Variants in HNMT observed in about 807,000 individuals in gnomAD.
The protein encoded by HNMT is histamine N-methyltransferase.
Under a neutral mutation model 32.1 loss-of-function variants are expected in HNMT, and 30 were observed. The observed-to-expected ratio is 0.93, with a 90% CI of 0.70 to 1.27. HNMT has a LOEUF of 1.27. HNMT is among the 50% of genes most tolerant of loss of function. The pLI, the probability that HNMT is intolerant of heterozygous loss-of-function variation, is 0.00. For missense variants in HNMT, 327 were observed against 346.0 expected, an observed-to-expected ratio of 0.95 and a Z score of 0.43; for synonymous variants, 125 against 119.0, an observed-to-expected ratio of 1.05 and a Z score of -0.33.
chr2:137,981,172 A>G, intron 2 of HNMT: 1 of 1,579,928 alleles, frequency 6.3e-7, no homozygotes, highest in Non-Finnish European at 8.6e-7. Flanking sequence ...GAATGGCAGG[A>G]GATATGGCCA....
At chr2:137,980,262 C>T (rs2104942086) in intron 2 of HNMT, among the ~76,000 whole-genome samples, 1 of 152,326 alleles carries the variant, frequency 6.6e-6, no homozygotes, top group Middle Eastern at 3.4e-3. Flanking sequence ...TGGTCTCGAT[C>T]TCCTGACCTC....
intron 5 of HNMT, among the ~76,000 whole-genome samples, chr2:138,007,255 C>T (rs1204215048): frequency 6.6e-6 from 1 of 151,994 alleles, no homozygotes; most frequent in Admixed American, 6.6e-5. Flanking sequence ...TTCTACGTCT[C>T]TCTCTCCTAA....
chr2:137,974,248 G>A (rs1039074133), intron 2 of HNMT, among the ~76,000 whole-genome samples: 1 of 152,136 alleles, frequency 6.6e-6, no homozygotes, highest in African/African-American at 2.4e-5. Context: ...GAGACAAAAT[G>A]AGTGGCCAGA....
At chr2:137,981,404 T>A in intron 2 of HNMT, 1 of 1,583,006 alleles carries the variant, frequency 6.3e-7, no homozygotes, top group Non-Finnish European at 8.7e-7. Flanking sequence ...CATCCTCTTT[T>A]AAGTGTCATC....
chr2:137,980,116 A>C (rs576679524), intron 2 of HNMT, among the ~76,000 whole-genome samples: 22 of 151,882 alleles, frequency 1.4e-4, no homozygotes, highest in South Asian at 8.3e-4. Context: ...GCTCACTGCA[A>C]GCTCCACCAC....
rs191243165 is a variant in HNMT, at chr2:137,983,951, C to T, written c.190+13734C>T. On this transcript the variant is annotated intron_variant, in intron 2 of 5. Transcript: ENST00000280097. ...ATTTTCTTGTCAAAGAGGCAGATGTCGAGGTGACCTATTCTGGTTTCCCTC... is the reference window on the plus strand; with the variant it reads ...ATTTTCTTGTCAAAGAGGCAGATGTTGAGGTGACCTATTCTGGTTTCCCTC... Among the ~76,000 whole-genome samples the T allele has an allele frequency of 5.3e-5, 8 of 152,296 alleles. No homozygotes were observed. The East Asian group carries it at 1.4e-3, about 26-fold the overall frequency.
chr2:138,002,637 G>A (rs747688672), intron 4 of HNMT: 39 of 220,318 alleles, frequency 1.8e-4, no homozygotes, highest in Admixed American at 1.3e-4. Context: ...TGTAGAGATG[G>A]GGTCATACTA....
chr2:137,983,924 C>A (rs1377322172), intron 2 of HNMT, among the ~76,000 whole-genome samples: 1 of 152,150 alleles, frequency 6.6e-6, no homozygotes, highest in Admixed American at 6.5e-5. Flanking sequence ...AGCTCAAAAA[C>A]AATTTTCTTG....
chr2:137,998,263 A>G (rs1352725285), intron 2 of HNMT, among the ~76,000 whole-genome samples: 1 of 152,182 alleles, frequency 6.6e-6, no homozygotes, highest in African/African-American at 2.4e-5. Context: ...AAATTATTAT[A>G]ATTTTTGAAA....
At chr2:137,973,231 G>A (rs1191417394) in intron 2 of HNMT, among the ~76,000 whole-genome samples, 1 of 152,170 alleles carries the variant, frequency 6.6e-6, no homozygotes, top group Admixed American at 6.5e-5. Context: ...TGAAAGAACA[G>A]TGTTTTGAGG....
intron 2 of HNMT, chr2:137,981,324 C>T: frequency 6.2e-7 from 1 of 1,613,410 alleles, no homozygotes. Context: ...GATGAGCGCT[C>T]TTCTGAGTTG....
At chr2:137,993,100 T>C (rs923417699) in intron 2 of HNMT, among the ~76,000 whole-genome samples, 5 of 152,046 alleles carry the variant, frequency 3.3e-5, no homozygotes, top group African/African-American at 1.2e-4. Flanking sequence ...CAAGAAAGAA[T>C]CAATGAAACA....
In HNMT at chr2:138,014,113, A is replaced by G; in HGVS notation, c.862A>G (p.Ile288Val). Residue 288 changes from isoleucine (I) to valine (V), a missense_variant, in exon 6 of 6, where the codon ATA becomes GTA. Coordinates refer to ENST00000280097, the MANE Select transcript of HNMT (RefSeq NM_006895.3). ...TCTTTTTAATAATACTCTGAGTTTC[A>G]TAGTGATTGAGGCATAACTATCAAT... ...KVLFNNTLSF[I>V]VIEA 2 of 1,578,902 alleles carry G rather than the reference A, an allele frequency of 1.3e-6. No individual in the cohort carries two copies. The highest frequency in any genetic ancestry group is 1.4e-5 in the African/African-American group (1 of 73,716).
chr2:137,968,794 CCTTA>C (rs1301094643), intron 1 of HNMT, among the ~76,000 whole-genome samples: 1 of 152,174 alleles, frequency 6.6e-6, no homozygotes, highest in African/African-American at 2.4e-5. Flanking sequence ...TCCTTTAGAA[CCTTA>C]CTTCAATTTT....
At chr2:138,008,167 T>A (rs1681384853) in intron 5 of HNMT, among the ~76,000 whole-genome samples, 1 of 151,954 alleles carries the variant, frequency 6.6e-6, no homozygotes. Context: ...TAGACCTCAA[T>A]GTCTGCTGTT....
chr2:137,979,742 T>G (rs1225176479), intron 2 of HNMT, among the ~76,000 whole-genome samples: 1 of 152,060 alleles, frequency 6.6e-6, no homozygotes, highest in East Asian at 1.9e-4. Context: ...CTAGATAGAC[T>G]AAGAAAAAAA....
At chr2:138,005,976 T>G (rs2737385) in intron 5 of HNMT, among the ~76,000 whole-genome samples, 35,299 of 151,924 alleles carry the variant, frequency 0.23, 4,332 homozygotes, top group South Asian at 0.3. Context: ...CCCCATACTT[T>G]AACACCGTAT....
At chr2:138,012,158 T>C (rs1352295249) in intron 5 of HNMT, among the ~76,000 whole-genome samples, 2 of 152,154 alleles carry the variant, frequency 1.3e-5, no homozygotes, top group Non-Finnish European at 2.9e-5. Context: ...TTATTACACA[T>C]CTTTCATGTG....
chr2:137,978,529 C>A (rs1056840771), intron 2 of HNMT, among the ~76,000 whole-genome samples: 15 of 134,820 alleles, frequency 1.1e-4, no homozygotes, highest in South Asian at 2.3e-4. Context: ...TAGTATTATA[C>A]AATACATATG....
Sources: gnomAD v4.1 joint callset for allele counts (sites outside exome capture counted in the v4.1 genomes callset) on GRCh38, gnomAD v4.1.1 for gene constraint, MANE v1.5 for transcripts, NCBI Gene and HGNC (gene_info 2026-07-23, HGNC 2026-07-21) for gene names.